ZNF536: variants seen among roughly 807,000 people sequenced by gnomAD.
The protein encoded by ZNF536 is zinc finger protein 536.
ZNF536 carries 13 observed loss-of-function variants against 84.5 expected under a neutral mutation model. The observed-to-expected ratio is 0.15, with a 90% CI of 0.10 to 0.24. ZNF536 has a LOEUF of 0.24. ZNF536 is among the 10% of genes least tolerant of loss of function. The probability of loss-of-function intolerance (pLI) is 1.00; values close to 1 mark genes in which losing one functional copy is unlikely to be tolerated. For missense variants in ZNF536, 1,536 were observed against 1,747.5 expected, an observed-to-expected ratio of 0.88 and a Z score of 2.16; for synonymous variants, 811 against 742.5, an observed-to-expected ratio of 1.09 and a Z score of -1.50.
intron 1 of ZNF536, among the ~76,000 whole-genome samples, chr19:30,573,914 G>A (rs1316396805): frequency 2.6e-5 from 4 of 152,204 alleles, no homozygotes; most frequent in African/African-American, 9.7e-5. Context: ...CAGTGGTGGT[G>A]CCACCCAAGG....
intron 2 of ZNF536, among the ~76,000 whole-genome samples, chr19:30,526,958 A>G (rs972728738): frequency 2.6e-5 from 4 of 151,808 alleles, no homozygotes; most frequent in Non-Finnish European, 5.9e-5. Context: ...TCACTCTGTC[A>G]CCCAGGCTGG....
intron 1 of ZNF536, among the ~76,000 whole-genome samples, chr19:30,598,777 A>G (rs2047554217): frequency 6.6e-6 from 1 of 152,128 alleles, no homozygotes; most frequent in South Asian, 2.1e-4. Flanking sequence ...TTTATATTTA[A>G]ATTTGGGGAT....
At position 30,548,026 on chromosome 19, in the gene ZNF536, C is replaced by A; in HGVS notation, c.2407C>A (p.Arg803=). Residue 803 remains arginine (R), a synonymous_variant, in exon 4 of 5, where the codon CGG becomes AGG. Transcript: ENST00000355537. ...SLKYHLERHH[R]ERQNGAGPLS... Reference sequence around the variant, plus strand: ...AAAATACCACTTAGAGCGACACCATCGGGAGCGGCAGAACGGGGCTGGGCC... The same window carrying A: ...AAAATACCACTTAGAGCGACACCATAGGGAGCGGCAGAACGGGGCTGGGCC... 3 of 1,613,690 alleles carry A rather than the reference C, an allele frequency of 1.9e-6. No homozygotes were observed. The highest frequency in any genetic ancestry group is 2.5e-6 in the Non-Finnish European group (3 of 1,179,842).
chr19:30,390,413 A>C (rs929115388), intron 1 of ZNF536, among the ~76,000 whole-genome samples: 2 of 152,162 alleles, frequency 1.3e-5, no homozygotes, highest in Non-Finnish European at 2.9e-5. Context: ...AGGTGGGACC[A>C]GGGTGGCAGG....
At position 30,491,529 on chromosome 19, in the gene ZNF536, T is replaced by C. The variant is rs564285481; in HGVS notation, c.2171-43318T>C. On this transcript the variant is annotated intron_variant, in intron 2 of 4. Coordinates refer to ENST00000355537, the MANE Select transcript of ZNF536 (RefSeq NM_014717.3). The stretch of plus-strand genomic sequence containing the variant: ...GTTGCGATCTCCCAGAACAAAGGGA[T>C]CAGACCCACTTCATCTGTGTCCCCT... Among the ~76,000 whole-genome samples the C allele has an allele frequency of 7.9e-5, 12 of 152,308 alleles. No individual in the cohort carries two copies. In the South Asian group the frequency reaches 2.5e-3, roughly 32 times the overall value.
At chr19:30,680,473 A>G (rs2050924491) in intron 1 of ZNF536, among the ~76,000 whole-genome samples, 2 of 138,014 alleles carry the variant, frequency 1.4e-5, no homozygotes, top group African/African-American at 5.5e-5. Flanking sequence ...TCATTGTTCA[A>G]TTCCCACCTA....
At chr19:30,509,079 C>T (rs895535667) in intron 2 of ZNF536, among the ~76,000 whole-genome samples, 4 of 150,828 alleles carry the variant, frequency 2.7e-5, no homozygotes, top group African/African-American at 9.7e-5. Flanking sequence ...GAGTGATCAT[C>T]CTGCCTTGAC....
At chr19:30,297,700 GT>G (rs1369963119) in intron 2 of ZNF536, among the ~76,000 whole-genome samples, 2 of 152,188 alleles carry the variant, frequency 1.3e-5, no homozygotes, top group Non-Finnish European at 2.9e-5. Flanking sequence ...GGAGCTGGGG[GT>G]GGAAATTCTC....
At chr19:30,333,483 C>T (rs1049404249) in intron 2 of ZNF536, among the ~76,000 whole-genome samples, 2 of 152,226 alleles carry the variant, frequency 1.3e-5, no homozygotes, top group South Asian at 4.1e-4. Flanking sequence ...CATGAGGCCG[C>T]TGGTCAAGAG....
chr19:30,441,375 G>A (rs1444096612), intron 1 of ZNF536, among the ~76,000 whole-genome samples: 1 of 152,256 alleles, frequency 6.6e-6, no homozygotes, highest in Non-Finnish European at 1.5e-5. Flanking sequence ...TGAAGGTGGA[G>A]AGAGGGTGCC....
In ZNF536 at chr19:30,339,110, G is replaced by A. The variant is rs1307886952; in HGVS notation, c.-119-13258G>A. Among the ~76,000 whole-genome samples the A allele has an allele frequency of 3.3e-5, 5 of 152,156 alleles. 2 individuals are homozygous for A. In the South Asian group the frequency reaches 8.3e-4, roughly 25 times the overall value. ...TGCTTACGGGAGAGCTGCATGTGCC[G>A]CCGCCTCCTTTGGGTGACAGCTGTT... On this transcript the variant is annotated intron_variant, in intron 2 of 5. Coordinates refer to the ZNF536 transcript ENST00000585628.
intron 1 of ZNF536, among the ~76,000 whole-genome samples, chr19:30,239,768 G>A (rs2023802571): frequency 6.6e-6 from 1 of 152,168 alleles, no homozygotes; most frequent in Non-Finnish European, 1.5e-5. Context: ...GGGCACCCTT[G>A]CCTTTCCTGT....
rs569312789 is a variant in ZNF536 at position 30,627,468 on chromosome 19, C to CAAAAAAAAAA, written c.169+77980_169+77989dup. Among the ~76,000 whole-genome samples the CAAAAAAAAAA allele has an allele frequency of 7.7e-4, 40 of 52,050 alleles. 6 individuals are homozygous for CAAAAAAAAAA. Among genetic ancestry groups the CAAAAAAAAAA allele is most frequent in the African/African-American group, 3.5e-3 (37 of 10,648 alleles). 34.1% of individuals were successfully genotyped at this position (52,050 alleles called of 152,430 possible). On this transcript the variant is annotated intron_variant, in intron 1 of 1. Coordinates refer to the ZNF536 transcript ENST00000592773. ...CCTGGGTGACAGACCAAGGCCCTGT[C>CAAAAAAAAAA]AAAAAAAAAAAAAAAAAAAAAAAAA... is the stretch of plus-strand genomic sequence containing the variant.
At chr19:30,238,703 TAA>T (rs1393508814) in intron 1 of ZNF536, among the ~76,000 whole-genome samples, 1 of 152,106 alleles carries the variant, frequency 6.6e-6, no homozygotes, top group Non-Finnish European at 1.5e-5. Flanking sequence ...TCTAGATATA[TAA>T]AGTGTATCCT....
intron 2 of ZNF536, among the ~76,000 whole-genome samples, chr19:30,458,413 T>C (rs941942902): frequency 1.3e-5 from 2 of 150,496 alleles, no homozygotes; most frequent in Non-Finnish European, 3.0e-5. Context: ...GAATTAACGT[T>C]CCTAGGGTCC....
At chr19:30,451,250 C>T (rs565252960) in intron 2 of ZNF536, among the ~76,000 whole-genome samples, 1 of 152,382 alleles carries the variant, frequency 6.6e-6, no homozygotes, top group Admixed American at 6.5e-5. Context: ...CCACTTGGGA[C>T]GCCCTGCTCG....
At chr19:30,336,948 G>A (rs556888940) in intron 2 of ZNF536, among the ~76,000 whole-genome samples, 1 of 152,260 alleles carries the variant, frequency 6.6e-6, no homozygotes, top group East Asian at 1.9e-4. Flanking sequence ...TGACCCACTG[G>A]CAATTTTTGT....
chr19:30,634,452 G>A (rs1422048162), intron 1 of ZNF536, among the ~76,000 whole-genome samples: 1 of 151,988 alleles, frequency 6.6e-6, no homozygotes, highest in Non-Finnish European at 1.5e-5. Flanking sequence ...GATTACCCTT[G>A]AGAAGTTCCT....
At chr19:30,234,668 C>T (rs1275767615) in intron 1 of ZNF536, among the ~76,000 whole-genome samples, 1 of 151,936 alleles carries the variant, frequency 6.6e-6, no homozygotes, top group Non-Finnish European at 1.5e-5. Context: ...TCCCAAAGTG[C>T]TAGGATTAAA....
Sources: gnomAD v4.1 joint callset for allele counts (sites outside exome capture counted in the v4.1 genomes callset) on GRCh38, gnomAD v4.1.1 for gene constraint, MANE v1.5 for transcripts, NCBI Gene and HGNC (gene_info 2026-07-23, HGNC 2026-07-21) for gene names.